The following UVRAG variants were observed in gnomAD, a reference collection of about 807,000 sequenced individuals.
The protein encoded by UVRAG is UV radiation resistance associated, also known as UV radiation resistance-associated gene protein.
UVRAG carries 19 observed loss-of-function variants against 78.0 expected under a neutral mutation model. The observed-to-expected ratio is 0.24, with a 90% CI of 0.17 to 0.36. The LOEUF is 0.36. Among genes scored for constraint, UVRAG ranks in the 10% least tolerant of loss-of-function variants. The pLI, the probability that UVRAG is intolerant of heterozygous loss-of-function variation, is 1.00. For missense variants in UVRAG, 740 were observed against 853.8 expected (o/e 0.87, Z 1.66); for synonymous variants, 323 against 324.6 (o/e 1.00, Z 0.05).
intron 2 of UVRAG, among the ~76,000 whole-genome samples, chr11:75,858,230 A>C (rs1946337286): frequency 6.6e-6 from 1 of 152,064 alleles, no homozygotes; most frequent in Non-Finnish European, 1.5e-5. Flanking sequence ...CTGTCACCCT[A>C]GTTTTCTACC....
At chr11:75,879,138 A>G (rs1449579335) in intron 3 of UVRAG, among the ~76,000 whole-genome samples, 1 of 152,162 alleles carries the variant, frequency 6.6e-6, no homozygotes, top group Non-Finnish European at 1.5e-5. Flanking sequence ...ACTTGAAAAC[A>G]TTTCAATGGC....
chr11:75,876,885 G>A (rs1479531605), intron 3 of UVRAG, among the ~76,000 whole-genome samples: 1 of 150,982 alleles, frequency 6.6e-6, no homozygotes, highest in Non-Finnish European at 1.5e-5. Context: ...ATTCTTGGGT[G>A]TTTCTCACAG....
intron 12 of UVRAG, among the ~76,000 whole-genome samples, chr11:76,036,256 A>T (rs1314338834): frequency 1.3e-5 from 2 of 152,158 alleles, no homozygotes; most frequent in Non-Finnish European, 2.9e-5. Flanking sequence ...AAAGGTTAAA[A>T]CGTTAAATTA....
chr11:75,892,768 T>A (rs1361456927), intron 5 of UVRAG, among the ~76,000 whole-genome samples: 1 of 152,182 alleles, frequency 6.6e-6, no homozygotes, highest in African/African-American at 2.4e-5. Context: ...AAACCTTGTC[T>A]TTTTTAACAA....
intron 8 of UVRAG, among the ~76,000 whole-genome samples, chr11:76,002,164 T>C (rs1419094049): frequency 6.6e-6 from 1 of 152,156 alleles, no homozygotes; most frequent in Non-Finnish European, 1.5e-5. Flanking sequence ...TATTTTGAAG[T>C]GACTTTTAGA....
At chr11:75,838,318 T>C (rs2135835665) in intron 1 of UVRAG, among the ~76,000 whole-genome samples, 1 of 152,230 alleles carries the variant, frequency 6.6e-6, no homozygotes, top group South Asian at 2.1e-4. Flanking sequence ...GCATTTGTAA[T>C]TTTTTTAAAT....
rs945705103 is a variant in UVRAG at position 76,082,945 on chromosome 11, G to A, written c.1305+17157G>A. ...ATTACTTAGGAGGCTGAGGTGGGAG[G>A]ATTGATTCCCAGGAGGTCAAGGCCA... On this transcript the variant is annotated intron_variant, in intron 13 of 14. Transcript: ENST00000356136. Among the ~76,000 whole-genome samples the A allele has an allele frequency of 2.0e-5, 3 of 152,004 alleles. No homozygotes were observed. The East Asian group carries it at 5.8e-4, about 29-fold the overall frequency.
intron 5 of UVRAG, among the ~76,000 whole-genome samples, chr11:75,902,412 C>T (rs1255805938): frequency 6.6e-6 from 1 of 152,146 alleles, no homozygotes; most frequent in African/African-American, 2.4e-5. Flanking sequence ...AATCTAATGC[C>T]CACGCTGATC....
chr11:75,981,954 T>A (rs1413426374), intron 7 of UVRAG, among the ~76,000 whole-genome samples: 1 of 152,220 alleles, frequency 6.6e-6, no homozygotes, highest in Non-Finnish European at 1.5e-5. Flanking sequence ...AAGCATGTTC[T>A]TAATTGCTAT....
At position 76,004,936 on chromosome 11, in the gene UVRAG, C is replaced by T. The variant is rs138187156; in HGVS notation, c.911+847C>T. Among the ~76,000 whole-genome samples the T allele has an allele frequency of 3.3e-5, 5 of 152,292 alleles. No individual in the cohort carries two copies. The East Asian group carries it at 7.7e-4, about 23-fold the overall frequency. On this transcript the variant is annotated intron_variant, in intron 9 of 14. Coordinates refer to ENST00000356136, the MANE Select transcript of UVRAG (RefSeq NM_003369.4). ...TAGTTTTTCTCTTCATTTTTTCCAA[C>T]ATATGCTTAATTCGTTGGTACCTCT...
intron 12 of UVRAG, among the ~76,000 whole-genome samples, chr11:76,031,774 A>G (rs11821272): frequency 0.12 from 18,607 of 152,164 alleles, 2,850 homozygotes; most frequent in African/African-American, 0.36. Flanking sequence ...GGTATGTCCC[A>G]CATTCAATAC....
At chr11:75,943,667 G>C (rs1948529529) in intron 6 of UVRAG, among the ~76,000 whole-genome samples, 1 of 152,000 alleles carries the variant, frequency 6.6e-6, no homozygotes, top group African/African-American at 2.4e-5. Context: ...TGCATATCCT[G>C]GTTAGACTTG....
At chr11:75,837,345 A>T (rs1945807210) in intron 1 of UVRAG, among the ~76,000 whole-genome samples, 1 of 151,758 alleles carries the variant, frequency 6.6e-6, no homozygotes, top group African/African-American at 2.4e-5. Flanking sequence ...AAAAAAAAAA[A>T]AAAGTCTGCA....
chr11:76,139,375 T>G (rs182624116), intron 14 of UVRAG, among the ~76,000 whole-genome samples: 1 of 152,316 alleles, frequency 6.6e-6, no homozygotes, highest in Admixed American at 6.5e-5. Context: ...AGGGATGTCT[T>G]TCTCCTGCAG....
intron 12 of UVRAG, among the ~76,000 whole-genome samples, chr11:76,025,216 A>C (rs1950307344): frequency 6.6e-6 from 1 of 152,210 alleles, no homozygotes; most frequent in Admixed American, 6.5e-5. Context: ...GAATGTAACC[A>C]GAGTCCAGCT....
At chr11:75,960,369 T>G (rs370599356) in intron 6 of UVRAG, among the ~76,000 whole-genome samples, 2 of 152,236 alleles carry the variant, frequency 1.3e-5, no homozygotes, top group Non-Finnish European at 2.9e-5. Context: ...AGTATTTGTT[T>G]TGTAGATTTC....
rs114527403 is a variant in UVRAG at position 76,087,165 on chromosome 11, C to T, written c.1305+21377C>T. On this transcript the variant is annotated intron_variant, in intron 13 of 14. Transcript: ENST00000356136. ...GAGTCCTAATGTTTCTACATGCGCA[C>T]ACACATACATGTGCTTGTGAATGTG... 5.3e-3 allele frequency among the ~76,000 whole-genome samples: 814 copies of T among 152,258 alleles called. 6 individuals carry two copies. Among genetic ancestry groups the T allele is most frequent in the African/African-American group, 0.019 (780 of 41,538 alleles).
intron 6 of UVRAG, among the ~76,000 whole-genome samples, chr11:75,935,722 A>G (rs1948360009): frequency 6.7e-6 from 1 of 149,514 alleles, no homozygotes; most frequent in Admixed American, 6.7e-5. Context: ...CCTGCTAACC[A>G]TTTGAAAGTA....
At chr11:75,989,882 G>C (rs1241374029) in intron 8 of UVRAG, among the ~76,000 whole-genome samples, 2 of 152,186 alleles carry the variant, frequency 1.3e-5, no homozygotes, top group South Asian at 4.1e-4. Flanking sequence ...TACACAGCAT[G>C]AATCTTTGAG....
Sources: gnomAD v4.1 joint callset for allele counts (sites outside exome capture counted in the v4.1 genomes callset) on GRCh38, gnomAD v4.1.1 for gene constraint, MANE v1.5 for transcripts, NCBI Gene and HGNC (gene_info 2026-07-23, HGNC 2026-07-21) for gene names.